Variants in COL3A1 observed in about 807,000 individuals in gnomAD.
COL3A1 encodes collagen alpha-1(III) chain.
In COL3A1, 46 loss-of-function variants were observed where a neutral mutation model predicts 200.9. The ratio of observed to expected loss-of-function variants is 0.23; its 90% CI spans 0.18 to 0.29. The LOEUF (loss-of-function observed/expected upper bound fraction) is 0.29. COL3A1 is among the 10% of genes least tolerant of loss of function. The probability of loss-of-function intolerance (pLI) is 1.00; values close to 1 mark genes in which losing one functional copy is unlikely to be tolerated. For missense variants in COL3A1, 1,367 were observed against 1,917.6 expected (o/e 0.71, Z 5.36); for synonymous variants, 650 against 628.0 (o/e 1.03, Z -0.52).
At chr2:189,007,135 ATATATTTG>A (rs1249559830) in intron 44 of COL3A1, 145 bp downstream of exon 44, 2 of 161,742 alleles carry the variant, frequency 1.2e-5, no homozygotes, top group African/African-American at 6.7e-5. Flanking sequence ...ATATATATAT[ATATATTTG>A]TTCTATCTAT....
chr2:188,989,963 C>G, intron 8 of COL3A1, 133 bp from the exon 9 acceptor site: 1 of 809,438 alleles, frequency 1.2e-6, no homozygotes, highest in South Asian at 1.4e-5. Flanking sequence ...GAAAGCTGAT[C>G]TCAACTATAC....
rs540804655 is a variant in COL3A1 at position 189,001,351 on chromosome 2, C to T, written c.2284-46C>T. 8.3e-5 allele frequency: 129 copies of T among 1,561,788 alleles called. No homozygotes were observed. In the South Asian group the frequency reaches 9.5e-4, roughly 11 times the overall value. ...CTTTCTGTTTGATTAATGCAAAAAA[C>T]GATATTTGTATCTTCAAAATTAAAA... On this transcript the variant is annotated intron_variant, in intron 32 of 50. Transcript: ENST00000304636.
intron 15 of COL3A1, 132 bp downstream of exon 15, chr2:188,993,072 C>A: frequency 1.2e-6 from 1 of 834,670 alleles, no homozygotes; most frequent in East Asian, 2.5e-5. Context: ...CTTTAAAGCC[C>A]TATTCTTGAT....
In COL3A1 at chr2:188,994,434, T is replaced by C; in HGVS notation, c.1293+102T>C. The stretch of plus-strand genomic sequence containing the variant: ...TTGCTCCTGTTCAGTTGAATTTATA[T>C]TGACTTCACTCTTGTCTTATAACTT... On this transcript the variant is annotated intron_variant, in intron 18 of 50. Coordinates refer to ENST00000304636, the MANE Select transcript of COL3A1 (RefSeq NM_000090.4). This position sits in a 1 kb window ranked among gnomAD's most constrained non-coding sequence, Gnocchi z 4.5. 1 of 1,565,972 alleles carries C rather than the reference T, an allele frequency of 6.4e-7. No individual in the cohort carries two copies.
chr2:189,011,846 A>AAG lies in COL3A1; in HGVS notation c.*73_*74insGA, dbSNP rs1395870988. The AAG allele has an allele frequency of 1.9e-6, 3 of 1,556,322 alleles. No homozygotes were observed. Among genetic ancestry groups the AAG allele is most frequent in the Non-Finnish European group, 2.7e-6 (3 of 1,129,158 alleles). On this transcript the variant is annotated 3_prime_UTR_variant, in exon 51 of 51. Coordinates refer to ENST00000304636, the MANE Select transcript of COL3A1 (RefSeq NM_000090.4). ...GTGTTCCTCTTGTTCTAATCTTGTC[A>AAG]ACCAGTGCAAGTGACCGACAAAATT...
Position 189,010,475 on chromosome 2 carries a change from G to A in COL3A1, c.4011+110G>A. On this transcript the variant is annotated intron_variant, in intron 49 of 50. Coordinates refer to ENST00000304636, the MANE Select transcript of COL3A1 (RefSeq NM_000090.4). ...CTAGGTTGGTACAAACATAATTGCA[G>A]TTTTTGCTACTGAAAGTGATGGCAT... 2.7e-6 allele frequency: 4 copies of A among 1,498,174 alleles called. No homozygotes were observed. The Admixed American group carries it at 5.1e-5, about 19-fold the overall frequency. The allele number at this position is 1,498,174 out of a possible 1,614,324, so 92.8% of individuals were successfully genotyped here.
intron 24 of COL3A1, 119 bp from the exon 25 acceptor site, chr2:188,997,044 CAT>C (rs1324765253): frequency 1.6e-5 from 4 of 250,892 alleles, no homozygotes; most frequent in Admixed American, 4.6e-5. Flanking sequence ...ATATATGAGA[CAT>C]ATATATATGA....
chr2:188,992,205 G>A lies in COL3A1; in HGVS notation c.973G>A (p.Ala325Thr), dbSNP rs746163075. 6.2e-7 allele frequency: 1 copy of A among 1,613,912 alleles called. No homozygotes were observed. Among genetic ancestry groups the A allele is most frequent in the South Asian group, 1.1e-5 (1 of 91,070 alleles). The part of the protein sequence containing the change: ...GAAGARGNDG[A>T]RGSDGQPGPP... ...TTAGGGTGCTCGGGGTAATGACGGT[G>A]CTCGAGGCAGTGATGGTCAACCAGT... is the stretch of plus-strand genomic sequence containing the variant. The change falls in exon 14 of 51, where the codon GCT becomes ACT. Residue 325 changes from alanine to threonine, a missense_variant. Physicochemically the swap from Ala to Thr is moderately conservative, Grantham distance 58 (BLOSUM62 0). This residue lies in a region of COL3A1 where 462 missense variants were observed against 681.4 expected (regional missense o/e 0.68). Coordinates refer to ENST00000304636, the MANE Select transcript of COL3A1 (RefSeq NM_000090.4).
chr2:188,979,223 G>A (rs1687898098), intron 1 of COL3A1, among the ~76,000 whole-genome samples: 3 of 151,886 alleles, frequency 2.0e-5, no homozygotes, highest in Admixed American at 2.0e-4. Context: ...ATAGTATTTT[G>A]TGTGGAGGAT....
intron 44 of COL3A1, 92 bp from the exon 45 acceptor site, chr2:189,007,408 G>A (rs182856211): frequency 6.9e-6 from 7 of 1,009,114 alleles, no homozygotes; most frequent in African/African-American, 6.5e-5. Flanking sequence ...CTGATAGAAA[G>A]CCATAAAATA....
intron 38 of COL3A1, 95 bp from the exon 39 acceptor site, chr2:189,003,887 T>A: frequency 1.9e-6 from 3 of 1,576,664 alleles, no homozygotes; most frequent in Non-Finnish European, 2.6e-6. Flanking sequence ...ATTTCTCTAG[T>A]AAGTCTCAAA....
In COL3A1 at chr2:188,984,910, CAG is replaced by C; in HGVS notation, c.232_233del (p.Glu78AsnfsTer22). The C allele has an allele frequency of 6.2e-7, 1 of 1,613,148 alleles. No individual in the cohort carries two copies. The highest frequency in any genetic ancestry group is 8.5e-7 in the Non-Finnish European group (1 of 1,179,406). Reference sequence around the variant, plus strand: ...GATCAAGAATTAGACTGCCCCAACCCAGAAATTCCATTTGGAGAATGTTGTGC... The same window carrying C: ...GATCAAGAATTAGACTGCCCCAACCCAAATTCCATTTGGAGAATGTTGTGC... On this transcript the variant is annotated frameshift_variant, in exon 2 of 51. Transcript: ENST00000304636. LOFTEE classifies it high-confidence loss of function.
chr2:188,995,585 C>T, intron 21 of COL3A1, 107 bp from the exon 22 acceptor site: 1 of 744,536 alleles, frequency 1.3e-6, no homozygotes, highest in South Asian at 1.7e-5. Context: ...ACACACGAAC[C>T]CTTTTTAAAA....
In COL3A1 at chr2:188,985,280, A is replaced by C. The variant is rs757766436; in HGVS notation, c.333+33A>C. 28 of 1,522,112 alleles carry C rather than the reference A, an allele frequency of 1.8e-5. No homozygotes were observed. The African/African-American group carries it at 3.8e-4, about 21-fold the overall frequency. 94.3% of individuals were successfully genotyped at this position (1,522,112 alleles called of 1,614,324 possible). A position where few individuals can be genotyped will look rare whatever the true frequency, so the allele number is the denominator to read the frequency against. On this transcript the variant is annotated intron_variant, in intron 3 of 50. Coordinates refer to ENST00000304636, the MANE Select transcript of COL3A1 (RefSeq NM_000090.4). ...AACATTCTTCAGTAGAATAAAATTA[A>C]TACTAATGATAATTCTAGTAAGAGT... is the stretch of plus-strand genomic sequence containing the variant.
At chr2:188,978,036 GA>G in intron 1 of COL3A1, 1 of 384,486 alleles carries the variant, frequency 2.6e-6, no homozygotes, top group South Asian at 1.9e-5. Context: ...TCTAGGGAAA[GA>G]AAAATGCTCA....
chr2:188,999,611 A>G, intron 31 of COL3A1, 34 bp downstream of exon 31: 1 of 1,601,170 alleles, frequency 6.2e-7, no homozygotes, highest in African/African-American at 1.3e-5. Flanking sequence ...TGTTCAATAA[A>G]TCAGTCATTG....
Position 189,010,291 on chromosome 2 carries a change from A to G in COL3A1, c.3937A>G (p.Lys1313Glu), listed in dbSNP as rs886038983. ...ISANPLNVPR[K>E]HWWTDSSAEK... ...TGCCAATCCTTTGAATGTTCCACGG[A>G]AACACTGGTGGACAGATTCTAGTGC... is the stretch of plus-strand genomic sequence containing the variant. The change falls in exon 49 of 51, where the codon AAA (lysine) becomes GAA (glutamate). Residue 1313 changes from lysine to glutamate, a missense_variant. This residue lies in a region of COL3A1 where 846 missense variants were observed against 1,147.9 expected (regional missense o/e 0.74). Coordinates refer to ENST00000304636, the MANE Select transcript of COL3A1 (RefSeq NM_000090.4). 4 of 1,614,086 alleles carry G rather than the reference A, an allele frequency of 2.5e-6. No individual in the cohort carries two copies. Among genetic ancestry groups the G allele is most frequent in the African/African-American group, 1.3e-5 (1 of 74,946 alleles).
At chr2:188,979,560 T>C (rs1407573509) in intron 1 of COL3A1, among the ~76,000 whole-genome samples, 1 of 151,770 alleles carries the variant, frequency 6.6e-6, no homozygotes, top group Non-Finnish European at 1.5e-5. Context: ...TCAGGGTAGC[T>C]TTAGAGATAT....
At chr2:188,991,384 T>C in intron 11 of COL3A1, 103 bp from the exon 12 acceptor site, 1 of 744,714 alleles carries the variant, frequency 1.3e-6, no homozygotes, top group Non-Finnish European at 2.1e-6. Context: ...AATGTATATC[T>C]TTTTCTAGGC....
Sources: gnomAD v4.1 joint callset for allele counts (sites outside exome capture counted in the v4.1 genomes callset) on GRCh38, gnomAD v4.1.1 for gene constraint, gnomAD v4.1.1 regional missense constraint, Gnocchi (gnomAD v3.1) non-coding constraint, MANE v1.5 for transcripts, NCBI Gene and HGNC (gene_info 2026-07-23, HGNC 2026-07-21) for gene names.